Variants in TASP1 observed in about 807,000 individuals in gnomAD.
TASP1 encodes the protein taspase 1, also known as threonine aspartase 1.
In TASP1, 16 loss-of-function variants were observed where a neutral mutation model predicts 56.6. The observed-to-expected ratio is 0.28, with a 90% CI of 0.19 to 0.43. The LOEUF (loss-of-function observed/expected upper bound fraction) is 0.43. TASP1 is among the 20% of genes least tolerant of loss of function. TASP1 has a pLI of 1.00. For synonymous variants in TASP1, 179 were observed against 184.2 expected (o/e 0.97, Z 0.23); for missense variants, 393 against 511.6 (o/e 0.77, Z 2.24).
the TASP1 span, among the ~76,000 whole-genome samples, chr20:13,260,783 G>A: frequency 6.6e-6 from 1 of 152,122 alleles, no homozygotes; most frequent in East Asian, 1.9e-4. Context: ...AGCTTTTGTT[G>A]TGTAACAAAC....
chr20:13,454,050 G>A, intron 11 of TASP1, among the ~76,000 whole-genome samples: 1 of 148,604 alleles, frequency 6.7e-6, no homozygotes, highest in Non-Finnish European at 1.5e-5. Context: ...AAAGAACCTA[G>A]GAATTGAGGG....
the TASP1 span, among the ~76,000 whole-genome samples, chr20:13,319,233 A>C: frequency 1.3e-5 from 2 of 152,118 alleles, no homozygotes; most frequent in African/African-American, 4.8e-5. Flanking sequence ...AAAAAAAAAA[A>C]CACTAATTGC....
intron 4 of TASP1, among the ~76,000 whole-genome samples, chr20:13,598,875 A>G (rs1417915381): frequency 6.6e-6 from 1 of 152,230 alleles, no homozygotes; most frequent in Non-Finnish European, 1.5e-5. Context: ...AAGGATATGA[A>G]CAGACACTTC....
At chr20:13,466,671 G>A (rs2044271516) in intron 11 of TASP1, among the ~76,000 whole-genome samples, 1 of 152,164 alleles carries the variant, frequency 6.6e-6, no homozygotes, top group Admixed American at 6.5e-5. Flanking sequence ...AACTCTAGAG[G>A]TGGAAGTTGC....
intron 11 of TASP1, among the ~76,000 whole-genome samples, chr20:13,479,238 T>G (rs947749949): frequency 9.2e-5 from 14 of 152,074 alleles, no homozygotes; most frequent in African/African-American, 3.1e-4. Flanking sequence ...TGCATTGTAA[T>G]GAGAATCACT....
the TASP1 span, among the ~76,000 whole-genome samples, chr20:13,334,259 G>A: frequency 6.6e-6 from 1 of 152,202 alleles, no homozygotes; most frequent in African/African-American, 2.4e-5. Flanking sequence ...ATAGAACAGT[G>A]AGAGAGAGTG....
At chr20:13,357,369 AT>A in the TASP1 span, among the ~76,000 whole-genome samples, 1 of 152,196 alleles carries the variant, frequency 6.6e-6, no homozygotes, top group Non-Finnish European at 1.5e-5. Context: ...CAATTCCTTT[AT>A]CTTCAGGATC....
At chr20:13,274,406 T>A in the TASP1 span, among the ~76,000 whole-genome samples, 2 of 152,150 alleles carry the variant, frequency 1.3e-5, no homozygotes, top group East Asian at 3.9e-4. Context: ...GGCCCTTCAG[T>A]AGGTCAGCTT....
the TASP1 span, among the ~76,000 whole-genome samples, chr20:13,128,897 AC>A: frequency 7.3e-6 from 1 of 136,198 alleles, no homozygotes; most frequent in Non-Finnish European, 1.5e-5. Context: ...TTTTTTGGAG[AC>A]AGAGTTTCGC....
the TASP1 span, among the ~76,000 whole-genome samples, chr20:13,326,562 A>G: frequency 3.0e-3 from 463 of 152,170 alleles, 2 homozygotes; most frequent in African/African-American, 0.01. Context: ...TCTAATAGGT[A>G]TATAGTGGTA....
the TASP1 span, among the ~76,000 whole-genome samples, chr20:13,294,117 A>G: frequency 6.6e-6 from 1 of 152,242 alleles, no homozygotes; most frequent in African/African-American, 2.4e-5. Flanking sequence ...ATGAATACCC[A>G]CCCAGTATTG....
the TASP1 span, among the ~76,000 whole-genome samples, chr20:13,247,731 A>T: frequency 6.6e-6 from 1 of 152,132 alleles, no homozygotes; most frequent in East Asian, 1.9e-4. Context: ...CATAAAGGAG[A>T]GGAAACCTGA....
chr20:13,508,041 T>C (rs1270690359), intron 10 of TASP1, among the ~76,000 whole-genome samples: 1 of 152,078 alleles, frequency 6.6e-6, no homozygotes, highest in Non-Finnish European at 1.5e-5. Context: ...AAAATAAAAT[T>C]GGATCCTTAT....
At chr20:13,578,124 T>C (rs944199314) in intron 6 of TASP1, among the ~76,000 whole-genome samples, 12 of 152,172 alleles carry the variant, frequency 7.9e-5, no homozygotes, top group Admixed American at 6.5e-5. Flanking sequence ...AGCAGAAGAA[T>C]CTATTTTTCT....
At position 13,545,236 on chromosome 20, in the gene TASP1, C is replaced by G. The variant is rs1251477085; in HGVS notation, c.676-11095G>C. 1.3e-5 allele frequency among the ~76,000 whole-genome samples: 2 copies of G among 152,070 alleles called. 1 individual carries two copies. Among genetic ancestry groups the G allele is most frequent in the Admixed American group, 1.3e-4 (2 of 15,256 alleles). ...ATAGATCTTATTAGAAAGTAAAGAA[C>G]TGAGAGAGTAGGAAAGGAGTTAAGT... On this transcript the variant is annotated intron_variant, in intron 8 of 13. Coordinates refer to ENST00000337743, the MANE Select transcript of TASP1 (RefSeq NM_017714.3).
At chr20:13,478,032 G>T (rs996713714) in intron 11 of TASP1, among the ~76,000 whole-genome samples, 6 of 152,210 alleles carry the variant, frequency 3.9e-5, no homozygotes, top group African/African-American at 1.4e-4. Flanking sequence ...CTACACTTAA[G>T]ATGGTGGCGG....
At chr20:13,526,563 T>C (rs1481632950) in intron 10 of TASP1, among the ~76,000 whole-genome samples, 2 of 152,180 alleles carry the variant, frequency 1.3e-5, no homozygotes, top group African/African-American at 4.8e-5. Context: ...TCTTCAAAAA[T>C]GACTAAAAAC....
the TASP1 span, chr20:13,299,218 G>T: frequency 6.2e-7 from 1 of 1,600,280 alleles, no homozygotes; most frequent in Non-Finnish European, 8.5e-7. This position sits in a 1 kb window ranked among gnomAD's most constrained non-coding sequence, Gnocchi z 5.8. Context: ...GCACAGCACT[G>T]CTGCTACGGC....
the TASP1 span, among the ~76,000 whole-genome samples, chr20:13,175,505 C>T: frequency 6.6e-6 from 1 of 151,958 alleles, no homozygotes; most frequent in African/African-American, 2.4e-5. Flanking sequence ...AGACTTAGGC[C>T]AGTGAGAGGT....
Sources: allele counts gnomAD v4.1 joint callset (sites outside exome capture counted in the v4.1 genomes callset), GRCh38; gene constraint gnomAD v4.1.1; non-coding constraint Gnocchi (gnomAD v3.1); transcripts MANE v1.5; gene names NCBI Gene and HGNC (gene_info 2026-07-23, HGNC 2026-07-21).